Variants in RASGRF1 observed in about 807,000 individuals in gnomAD.
RASGRF1 encodes Ras protein specific guanine nucleotide releasing factor 1.
A neutral mutation model predicts 138.7 loss-of-function variants in RASGRF1; 40 were observed. The ratio of observed to expected loss-of-function variants is 0.29; its 90% CI spans 0.22 to 0.38. The LOEUF is 0.38. RASGRF1 is among the 10% of genes least tolerant of loss of function. RASGRF1 has a pLI of 1.00. For synonymous variants in RASGRF1, 614 were observed against 663.2 expected (o/e 0.93, Z 1.14); for missense variants, 1,108 against 1,650.4 (o/e 0.67, Z 5.69).
chr15:78,962,086 G>A lies in RASGRF1; in HGVS notation c.*58C>T. 5 of 1,077,580 alleles carry A rather than the reference G, an allele frequency of 4.6e-6. No homozygotes were observed. The South Asian group carries it at 6.7e-5, about 15-fold the overall frequency. The allele number at this position is 1,077,580 out of a possible 1,614,324, so 66.8% of individuals were successfully genotyped here. ...AAATCCAGTGAAACCAAACGAATATGTACAGTATCATCTAGCACATGTCCC... is the reference window on the plus strand; with the variant it reads ...AAATCCAGTGAAACCAAACGAATATATACAGTATCATCTAGCACATGTCCC... On this transcript the variant is annotated 3_prime_UTR_variant, in exon 27 of 27. Transcript: ENST00000558480.
intron 10 of RASGRF1, among the ~76,000 whole-genome samples, chr15:79,020,681 C>A (rs1361361378): frequency 2.0e-5 from 3 of 152,180 alleles, no homozygotes; most frequent in Admixed American, 2.0e-4. Flanking sequence ...ATTAGGAATA[C>A]CTGGAAAAAT....
intron 1 of RASGRF1, among the ~76,000 whole-genome samples, chr15:79,088,399 G>A (rs1456016019): frequency 6.6e-6 from 1 of 152,172 alleles, no homozygotes; most frequent in African/African-American, 2.4e-5. Context: ...ACCCCAGAAA[G>A]GTAGGTGTTA....
intron 6 of RASGRF1, among the ~76,000 whole-genome samples, chr15:79,033,035 C>T (rs563337341): frequency 2.2e-4 from 33 of 152,298 alleles, no homozygotes; most frequent in Non-Finnish European, 7.3e-5. Context: ...TCTGCTCCTT[C>T]GTTCATCTGC....
chr15:78,974,291 C>G (rs1394842502), intron 24 of RASGRF1, among the ~76,000 whole-genome samples: 1 of 152,236 alleles, frequency 6.6e-6, no homozygotes, highest in Non-Finnish European at 1.5e-5. Flanking sequence ...CTCCTCTCAG[C>G]TCAGCACACA....
intron 19 of RASGRF1, among the ~76,000 whole-genome samples, 183 bp from the exon 20 acceptor site, chr15:78,995,983 G>A (rs2056383609): frequency 6.6e-6 from 1 of 152,194 alleles, no homozygotes; most frequent in Non-Finnish European, 1.5e-5. Context: ...GCTCCTGGCT[G>A]TGGGAGGTCC....
chr15:78,997,957 C>T, intron 19 of RASGRF1, 139 bp downstream of exon 19: 1 of 692,720 alleles, frequency 1.4e-6, no homozygotes, highest in Non-Finnish European at 2.5e-6. Context: ...TCACCTCTAC[C>T]CCAGCACTCC....
rs944351256 is a variant in RASGRF1 at position 78,962,066 on chromosome 15, C to T, written c.*78G>A. On this transcript the variant is annotated 3_prime_UTR_variant, in exon 27 of 27. Transcript: ENST00000558480. ...GAAGCACATACTGAAGAAGAAAATC[C>T]AGTGAAACCAAACGAATATGTACAG... 1 of 886,228 alleles carries T rather than the reference C, an allele frequency of 1.1e-6. No individual in the cohort carries two copies. The highest frequency in any genetic ancestry group is 1.8e-6 in the Non-Finnish European group (1 of 558,540). 54.9% of individuals were successfully genotyped at this position (886,228 alleles called of 1,614,324 possible).
chr15:79,033,886 G>A (rs932576979), intron 6 of RASGRF1, among the ~76,000 whole-genome samples: 3 of 152,120 alleles, frequency 2.0e-5, no homozygotes, highest in African/African-American at 7.2e-5. Flanking sequence ...CACCGTGCTC[G>A]GCCAAAACAT....
In RASGRF1 at chr15:79,012,438, G is replaced by GTC. The variant is rs748658278; in HGVS notation, c.1826+2887_1826+2888dup. The GTC allele has an allele frequency of 1.1e-4, 136 of 1,243,026 alleles. No homozygotes were observed. The South Asian group carries it at 1.1e-3, about 10-fold the overall frequency. The allele number at this position is 1,243,026 out of a possible 1,614,324, so 77.0% of individuals were successfully genotyped here. A position where few individuals can be genotyped will look rare whatever the true frequency, so the allele number is the denominator to read the frequency against. On this transcript the variant is annotated intron_variant, in intron 13 of 26. Coordinates refer to ENST00000558480, the MANE Select transcript of RASGRF1 (RefSeq NM_001145648.3). ...CACTGCTTTCTAATAATCTCTCTAT[G>GTC]TCTCTCTCTCTCTCACTAAACGATG...
chr15:79,072,267 C>CT (rs758415767), intron 1 of RASGRF1, among the ~76,000 whole-genome samples: 2,610 of 61,350 alleles, frequency 0.043, 630 homozygotes, highest in African/African-American at 0.13. Flanking sequence ...GATAAACAAT[C>CT]TTTTTTTTTT....
intron 5 of RASGRF1, among the ~76,000 whole-genome samples, chr15:79,045,461 T>C (rs951614134): frequency 2.0e-5 from 3 of 152,264 alleles, no homozygotes. Flanking sequence ...ATTGAATGTC[T>C]AAGAACTGTG....
intron 24 of RASGRF1, chr15:78,978,693 A>G: frequency 9.7e-7 from 1 of 1,028,874 alleles, no homozygotes; most frequent in Non-Finnish European, 1.2e-6. Flanking sequence ...GCCTAGTGAA[A>G]CAGACGCTCA....
intron 5 of RASGRF1, among the ~76,000 whole-genome samples, chr15:79,040,195 C>A (rs1332289878): frequency 6.6e-6 from 1 of 152,120 alleles, no homozygotes; most frequent in African/African-American, 2.4e-5. Context: ...GCCCTTCCCA[C>A]CAGCCTCTCA....
intron 3 of RASGRF1, among the ~76,000 whole-genome samples, chr15:79,056,995 C>T (rs4778861): frequency 0.66 from 99,731 of 152,138 alleles, 33,021 homozygotes; most frequent in East Asian, 0.9. Flanking sequence ...TACCTCCCAC[C>T]GCTTTTTCAG....
At chr15:79,059,222 T>TCCTTCCCTTCCCTTC (rs377302880) in intron 2 of RASGRF1, among the ~76,000 whole-genome samples, 1 of 57,698 alleles carries the variant, frequency 1.7e-5, no homozygotes, top group Non-Finnish European at 3.2e-5. Context: ...CCCTTCCCTA[T>TCCTTCCCTTCCCTTC]CCTTCCCTTC....
chr15:79,003,716 G>T, intron 15 of RASGRF1, 86 bp downstream of exon 15: 2 of 1,499,746 alleles, frequency 1.3e-6, no homozygotes, highest in East Asian at 4.6e-5. Flanking sequence ...GGAGCAGGAA[G>T]AGCAGCCCTG....
chr15:78,997,993 C>T (rs1035637084), intron 19 of RASGRF1, 103 bp downstream of exon 19: 65 of 964,798 alleles, frequency 6.7e-5, no homozygotes, highest in Admixed American at 3.8e-4. Flanking sequence ...TTGACAAGGG[C>T]GCTCTTCACC....
rs74024502 is a variant in RASGRF1, at chr15:78,984,970, C to T, written c.3414+37G>A. On this transcript the variant is annotated intron_variant, in intron 23 of 26. Transcript: ENST00000558480. ...TCTTCCTGCCCTAGCCCCAATCCAG[C>T]CCCAGGGAGGCAGTGGTGCCAGCCT... is the stretch of plus-strand genomic sequence containing the variant. 3,209 of 1,597,388 alleles carry T rather than the reference C, an allele frequency of 2.0e-3. 60 individuals are homozygous for T. In the African/African-American group the frequency reaches 0.038, roughly 19 times the overall value.
intron 13 of RASGRF1, among the ~76,000 whole-genome samples, chr15:79,009,190 G>T (rs1431025742): frequency 6.6e-6 from 1 of 152,158 alleles, no homozygotes. Flanking sequence ...GGTGGCTCCC[G>T]GGCTGCTGGC....
Sources: gnomAD v4.1 joint callset for allele counts (sites outside exome capture counted in the v4.1 genomes callset) on GRCh38, gnomAD v4.1.1 for gene constraint, MANE v1.5 for transcripts, NCBI Gene and HGNC (gene_info 2026-07-23, HGNC 2026-07-21) for gene names.